Variants in ALOX5AP observed in about 807,000 individuals in gnomAD.
The protein encoded by ALOX5AP is arachidonate 5-lipoxygenase activating protein, also known as arachidonate 5-lipoxygenase-activating protein.
In ALOX5AP, 9 loss-of-function variants were observed where a neutral mutation model predicts 18.5. That is an observed-to-expected ratio of 0.49 (90% CI 0.29 to 0.85). The LOEUF is 0.85. Ranked by LOEUF, ALOX5AP falls within the 40% of genes least tolerant of loss-of-function variation. The pLI is 0.08. For missense variants in ALOX5AP, 172 were observed against 202.5 expected (o/e 0.85, Z 0.91); for synonymous variants, 81 against 78.6 (o/e 1.03, Z -0.16).
At chr13:30,739,377 A>G (rs1397822691) in intron 1 of ALOX5AP, among the ~76,000 whole-genome samples, 4 of 152,214 alleles carry the variant, frequency 2.6e-5, no homozygotes, top group Non-Finnish European at 5.9e-5. Context: ...TGCACCCAGG[A>G]CACTGCCTGG....
upstream of ALOX5AP, among the ~76,000 whole-genome samples, chr13:30,732,991 C>A (rs1951693579): frequency 6.6e-6 from 1 of 151,888 alleles, no homozygotes; most frequent in African/African-American, 2.4e-5. Context: ...CCCGTCTCTA[C>A]TAAAAAATAT....
intron 1 of ALOX5AP, among the ~76,000 whole-genome samples, chr13:30,724,545 G>C (rs542044087): frequency 1.3e-5 from 2 of 152,310 alleles, no homozygotes; most frequent in Admixed American, 6.5e-5. Flanking sequence ...GATGGAAAAG[G>C]AGGCTGTTTG....
At chr13:30,718,382 C>CATATATATATATATATATAT (rs59562797) in intron 1 of ALOX5AP, among the ~76,000 whole-genome samples, 71 of 139,712 alleles carry the variant, frequency 5.1e-4, no homozygotes, top group African/African-American at 1.2e-3. Context: ...CACAGATATG[C>CATATATATATATATATATAT]ATATATATAT....
In ALOX5AP at chr13:30,743,667, G is replaced by A. The variant is rs116573136; in HGVS notation, c.71-393G>A. On this transcript the variant is annotated intron_variant, in intron 1 of 4. Transcript: ENST00000380490. ...TACTTGTTCTTCAGATTTTATCTTA[G>A]ATGTCATTCCCTCAAGGAATCCTTC... 4.3e-4 allele frequency among the ~76,000 whole-genome samples: 66 copies of A among 151,962 alleles called. 1 individual carries two copies. Among genetic ancestry groups the A allele is most frequent in the African/African-American group, 1.5e-3 (61 of 41,428 alleles).
chr13:30,731,899 T>G (rs928191288), upstream of ALOX5AP, among the ~76,000 whole-genome samples: 3 of 152,246 alleles, frequency 2.0e-5, no homozygotes, highest in African/African-American at 7.2e-5. Context: ...CAGGGCGGGC[T>G]GCGCTCCCCT....
intron 1 of ALOX5AP, 27 bp from the exon 2 acceptor site, chr13:30,744,033 C>A (rs749495238): frequency 5.0e-6 from 8 of 1,594,452 alleles, no homozygotes; most frequent in Non-Finnish European, 6.9e-6. Flanking sequence ...CCACAATGAA[C>A]CAGATGCAAA....
chr13:30,760,976 G>A (rs1392168345), intron 4 of ALOX5AP, among the ~76,000 whole-genome samples: 1 of 152,190 alleles, frequency 6.6e-6, no homozygotes, highest in East Asian at 1.9e-4. Context: ...GGTGTGCGCT[G>A]TCTAGGCCCC....
chr13:30,728,103 A>G (rs1007626942), intron 1 of ALOX5AP, among the ~76,000 whole-genome samples: 1 of 152,188 alleles, frequency 6.6e-6, no homozygotes, highest in Non-Finnish European at 1.5e-5. Context: ...CTAATTCAAT[A>G]CAACTAATGT....
intron 2 of ALOX5AP, among the ~76,000 whole-genome samples, chr13:30,745,406 C>T (rs1951801520): frequency 6.6e-6 from 1 of 152,150 alleles, no homozygotes; most frequent in African/African-American, 2.4e-5. Context: ...GGGCATTTTC[C>T]CTTTCAGACA....
At chr13:30,730,134 A>C (rs1200958862) in intron 1 of ALOX5AP, among the ~76,000 whole-genome samples, 1 of 152,250 alleles carries the variant, frequency 6.6e-6, no homozygotes, top group African/African-American at 2.4e-5. Context: ...AGAGGGTCAT[A>C]TCTGTAAAGC....
chr13:30,763,818 G>A lies in ALOX5AP; in HGVS notation c.324-126G>A, dbSNP rs923080402. 13 of 848,000 alleles carry A rather than the reference G, an allele frequency of 1.5e-5. No individual in the cohort carries two copies. In the African/African-American group the frequency reaches 2.2e-4, roughly 14 times the overall value. 52.5% of individuals were successfully genotyped at this position (848,000 alleles called of 1,614,324 possible). A position where few individuals can be genotyped will look rare whatever the true frequency, so the allele number is the denominator to read the frequency against. Reference sequence around the variant, plus strand: ...TTCAAATGAAGTAAATGGGAAAATGGAGCATTGTTGAGTCCAGGGAGCTAT... The same window carrying A: ...TTCAAATGAAGTAAATGGGAAAATGAAGCATTGTTGAGTCCAGGGAGCTAT... On this transcript the variant is annotated intron_variant, in intron 4 of 4. Transcript: ENST00000380490.
intron 4 of ALOX5AP, 79 bp downstream of exon 4, chr13:30,756,104 T>G (rs1951891570): frequency 7.2e-7 from 1 of 1,398,572 alleles, no homozygotes; most frequent in South Asian, 1.2e-5. Flanking sequence ...CAAAACAGTA[T>G]TTGACTAGAT....
intron 1 of ALOX5AP, among the ~76,000 whole-genome samples, chr13:30,728,340 C>T (rs932503767): frequency 6.6e-6 from 1 of 152,186 alleles, no homozygotes; most frequent in Non-Finnish European, 1.5e-5. Context: ...TTAAGCCACT[C>T]AGTTTGTGCT....
At chr13:30,743,805 T>C (rs1025318819) in intron 1 of ALOX5AP, among the ~76,000 whole-genome samples, 2 of 152,108 alleles carry the variant, frequency 1.3e-5, no homozygotes, top group Admixed American at 6.5e-5. Context: ...TCCTTGTTTG[T>C]CTATTCCTTT....
chr13:30,733,190 G>A (rs1287422453), upstream of ALOX5AP, among the ~76,000 whole-genome samples: 1 of 150,510 alleles, frequency 6.6e-6, no homozygotes, highest in Admixed American at 6.6e-5. Flanking sequence ...AGGAAGGGCG[G>A]GAGAGAGAGA....
chr13:30,745,491 G>T lies in ALOX5AP; in HGVS notation c.170+1332G>T, dbSNP rs536212359. On this transcript the variant is annotated intron_variant, in intron 2 of 4. Coordinates refer to ENST00000380490, the MANE Select transcript of ALOX5AP (RefSeq NM_001629.4). The stretch of plus-strand genomic sequence containing the variant: ...CTTTCTCCATGCTCCCACGTGCTCT[G>T]GGCTCCACTCCCTTCTCCCAAGCAC... Among the ~76,000 whole-genome samples, 137 of 152,176 alleles carry T rather than the reference G, an allele frequency of 9.0e-4. 1 individual carries two copies. The highest frequency in any genetic ancestry group is 1.6e-3 in the Admixed American group (24 of 15,278).
intron 1 of ALOX5AP, among the ~76,000 whole-genome samples, chr13:30,719,782 C>T (rs1405556612): frequency 1.3e-5 from 2 of 151,970 alleles, no homozygotes; most frequent in African/African-American, 4.8e-5. Context: ...AGTTCTAATT[C>T]GTGATTGTAA....
At chr13:30,730,908 A>T (rs1475331382), upstream of ALOX5AP, among the ~76,000 whole-genome samples, 1 of 152,196 alleles carries the variant, frequency 6.6e-6, no homozygotes, top group Non-Finnish European at 1.5e-5. Context: ...ACAGTACTCT[A>T]ATTAATGAAT....
intron 2 of ALOX5AP, among the ~76,000 whole-genome samples, chr13:30,750,169 C>T (rs750989303): frequency 5.9e-5 from 9 of 152,200 alleles, no homozygotes; most frequent in African/African-American, 9.6e-5. Context: ...CCTCTGGTCC[C>T]GAGAGCATGC....
Sources: gnomAD v4.1 joint callset for allele counts (sites outside exome capture counted in the v4.1 genomes callset) on GRCh38, gnomAD v4.1.1 for gene constraint, MANE v1.5 for transcripts, NCBI Gene and HGNC (gene_info 2026-07-23, HGNC 2026-07-21) for gene names.